RSRP1: variants seen among roughly 807,000 people sequenced by gnomAD.
RSRP1 encodes the protein arginine and serine rich protein 1, also known as arginine/serine-rich protein 1.
RSRP1 carries 37 observed loss-of-function variants against 33.0 expected under a neutral mutation model. The ratio of observed to expected loss-of-function variants is 1.12; its 90% CI spans 0.86 to 1.48. The LOEUF is 1.48. Ranked by LOEUF, RSRP1 falls within the 40% of genes most tolerant of loss-of-function variation. The pLI is 0.00. For synonymous variants in RSRP1, 167 were observed against 158.7 expected, an observed-to-expected ratio of 1.05 and a Z score of -0.40; for missense variants, 402 against 385.3, an observed-to-expected ratio of 1.04 and a Z score of -0.36.
At chr1:25,275,567 C>T (rs1640894818) in intron 1 of RSRP1, among the ~76,000 whole-genome samples, 1 of 131,546 alleles carries the variant, frequency 7.6e-6, no homozygotes, top group Admixed American at 7.4e-5. Flanking sequence ...GAGCATGTAC[C>T]ATGGTTATAT....
chr1:25,329,345 A>G, intron 1 of RSRP1: 1 of 360,252 alleles, frequency 2.8e-6, no homozygotes, highest in Non-Finnish European at 5.4e-6. Flanking sequence ...CCTGGGTTCA[A>G]GCAAATCTCC....
At position 25,269,909 on chromosome 1, in the gene RSRP1, C is replaced by T. The variant is rs143791674; in HGVS notation, c.-66-22880G>A. The stretch of plus-strand genomic sequence containing the variant: ...CCTTGGAACCAACCACCACCCACGC[C>T]GTTTGCCAGCTGGTAAACATGCCCA... On this transcript the variant is annotated intron_variant, in intron 1 of 1. Transcript: ENST00000561867. 6.1e-5 allele frequency among the ~76,000 whole-genome samples: 8 copies of T among 132,156 alleles called. 2 individuals are homozygous for T. The highest frequency in any genetic ancestry group is 2.2e-4 in the Admixed American group (3 of 13,650). The allele number at this position is 132,156 out of a possible 152,430, so 86.7% of individuals were successfully genotyped here. A position where few individuals can be genotyped will look rare whatever the true frequency, so the allele number is the denominator to read the frequency against.
At chr1:25,272,090 G>A (rs1215545727) in intron 1 of RSRP1, among the ~76,000 whole-genome samples, 2 of 124,972 alleles carry the variant, frequency 1.6e-5, no homozygotes, top group Non-Finnish European at 3.8e-5. Context: ...AGAGCTCACT[G>A]GGTGCCCTCT....
At position 25,246,904 on chromosome 1, in the gene RSRP1, C is replaced by A. The variant is rs34742144; in HGVS notation, c.60G>T (p.Ser20=). The A allele has an allele frequency of 6.2e-7, 1 of 1,603,212 alleles. No individual in the cohort carries two copies. The highest frequency in any genetic ancestry group is 2.2e-5 in the East Asian group (1 of 44,628). The part of the protein sequence containing the change: ...PGSPQEKDSP[S]TSRSGGSSRL... ...GGCTGGACCCGCCCGACCGCGAGGT[C>A]GAGGGCGAATCCTTCTCCTGCGGCG... is the stretch of plus-strand genomic sequence containing the variant. Residue 20 remains serine, a synonymous_variant, in exon 2 of 5, where the codon TCG becomes TCT. Transcript: ENST00000243189.
chr1:25,313,196 C>A (rs1219751602), intron 1 of RSRP1, among the ~76,000 whole-genome samples: 2 of 130,048 alleles, frequency 1.5e-5, no homozygotes, highest in Non-Finnish European at 3.6e-5. Context: ...GAGAACTGAG[C>A]TGACATGCTC....
chr1:25,333,544 G>T (rs1366337802), intron 1 of RSRP1, among the ~76,000 whole-genome samples: 4 of 130,400 alleles, frequency 3.1e-5, no homozygotes, highest in African/African-American at 1.1e-4. Flanking sequence ...GGGCCAGGGA[G>T]AGACGGATAA....
intron 1 of RSRP1, among the ~76,000 whole-genome samples, chr1:25,289,014 C>T (rs533034421): frequency 1.5e-5 from 2 of 134,058 alleles, no homozygotes; most frequent in East Asian, 3.9e-4. Flanking sequence ...CTGCAGCAAA[C>T]ACTGGGGAAG....
chr1:25,331,908 T>A (rs576777979), intron 1 of RSRP1, among the ~76,000 whole-genome samples: 1 of 128,524 alleles, frequency 7.8e-6, no homozygotes, highest in Admixed American at 7.6e-5. Context: ...CCCGGCTAAC[T>A]TTTTTGTATT....
intron 1 of RSRP1, among the ~76,000 whole-genome samples, chr1:25,277,577 C>T (rs28496907): frequency 0.013 from 1,726 of 130,238 alleles, 98 homozygotes; most frequent in African/African-American, 0.043. Flanking sequence ...CCTCTTTCTG[C>T]CTCTGTTTCT....
At chr1:25,256,856 G>A (rs570213052) in intron 1 of RSRP1, among the ~76,000 whole-genome samples, 1 of 152,114 alleles carries the variant, frequency 6.6e-6, no homozygotes, top group South Asian at 2.1e-4. Context: ...AGTGCATCAG[G>A]CATCTCACAA....
chr1:25,272,917 T>C (rs1308695530), intron 1 of RSRP1, among the ~76,000 whole-genome samples: 1 of 132,112 alleles, frequency 7.6e-6, no homozygotes, highest in Non-Finnish European at 1.8e-5. Flanking sequence ...TGCCTTGATT[T>C]TTCAGCACAG....
At chr1:25,275,837 G>T (rs139603478) in intron 1 of RSRP1, among the ~76,000 whole-genome samples, 3,689 of 132,092 alleles carry the variant, frequency 0.028, 608 homozygotes, top group African/African-American at 0.089. Context: ...AGATCAACAT[G>T]TTTTAAATCT....
At position 25,303,484 on chromosome 1, in the gene RSRP1, C is replaced by T. The variant is rs1429232742; in HGVS notation, c.-67+34494G>A. On this transcript the variant is annotated intron_variant, in intron 1 of 1. Transcript: ENST00000561867. ...GGTAAGAAACTAGACAACTAACCTC[C>T]TCTGCTTTGGCTGAAGGCCAGCAGG... is the stretch of plus-strand genomic sequence containing the variant. 2.9e-6 allele frequency: 4 copies of T among 1,378,576 alleles called. No individual in the cohort carries two copies. In the South Asian group the frequency reaches 3.5e-5, roughly 12 times the overall value. The allele number at this position is 1,378,576 out of a possible 1,614,324, so 85.4% of individuals were successfully genotyped here. A position where few individuals can be genotyped will look rare whatever the true frequency, so the allele number is the denominator to read the frequency against.
At position 25,312,757 on chromosome 1, in the gene RSRP1, A is replaced by G. The variant is rs1571718902; in HGVS notation, c.-67+25221T>C. Among the ~76,000 whole-genome samples, 2 of 117,222 alleles carry G rather than the reference A, an allele frequency of 1.7e-5. 1 individual carries two copies. Among genetic ancestry groups the G allele is most frequent in the South Asian group, 5.4e-4 (2 of 3,702 alleles). The allele number at this position is 117,222 out of a possible 152,430, so 76.9% of individuals were successfully genotyped here. ...AGAGTGAGACTCTGTCTCTACAAATAAAATTAAATAAACTTAGCTGGATAT... is the reference window on the plus strand; with the variant it reads ...AGAGTGAGACTCTGTCTCTACAAATGAAATTAAATAAACTTAGCTGGATAT... On this transcript the variant is annotated intron_variant, in intron 1 of 1. Coordinates refer to the RSRP1 transcript ENST00000561867.
intron 1 of RSRP1, chr1:25,284,446 T>C: frequency 1.1e-6 from 1 of 952,144 alleles, no homozygotes; most frequent in Non-Finnish European, 1.6e-6. Context: ...CAAAGTAACT[T>C]GACCAAATAC....
At position 25,242,508 on chromosome 1, in the gene RSRP1, A is replaced by G; in HGVS notation, c.*81T>C. The G allele has an allele frequency of 1.2e-6, 1 of 851,398 alleles. No individual in the cohort carries two copies. The highest frequency in any genetic ancestry group is 1.9e-6 in the Non-Finnish European group (1 of 526,820). The allele number at this position is 851,398 out of a possible 1,614,324, so 52.7% of individuals were successfully genotyped here. On this transcript the variant is annotated 3_prime_UTR_variant, in exon 5 of 5. Coordinates refer to ENST00000243189, the MANE Select transcript of RSRP1 (RefSeq NM_020317.5). ...ATGCACAAGTACCCCTGAATGGCTC[A>G]AAGGGATGGGATAATGCTAGAAACA... is the stretch of plus-strand genomic sequence containing the variant.
At chr1:25,279,302 T>C (rs1417943012) in intron 1 of RSRP1, among the ~76,000 whole-genome samples, 2 of 127,738 alleles carry the variant, frequency 1.6e-5, no homozygotes, top group Admixed American at 7.6e-5. Flanking sequence ...GCGAGCTCAA[T>C]GCTCATGGCA....
At position 25,279,839 on chromosome 1, in the gene RSRP1, C is replaced by T. The variant is rs1337211621; in HGVS notation, c.-66-32810G>A. 9.2e-5 allele frequency among the ~76,000 whole-genome samples: 12 copies of T among 130,588 alleles called. 4 individuals are homozygous for T. Among genetic ancestry groups the T allele is most frequent in the African/African-American group, 2.1e-4 (8 of 37,298 alleles). The allele number at this position is 130,588 out of a possible 152,430, so 85.7% of individuals were successfully genotyped here. A position where few individuals can be genotyped will look rare whatever the true frequency, so the allele number is the denominator to read the frequency against. On this transcript the variant is annotated intron_variant, in intron 1 of 1. Coordinates refer to the RSRP1 transcript ENST00000561867. ...CCCTCTGGGTCCAGGCATGGGCGCC[C>T]GGGTAGCACATCCACTTCTTATCAC...
At chr1:25,298,758 G>A (rs377126779) in intron 1 of RSRP1, among the ~76,000 whole-genome samples, 3 of 131,054 alleles carry the variant, frequency 2.3e-5, no homozygotes, top group Admixed American at 1.5e-4. Context: ...CTCATGGAAC[G>A]TCTGTTCCAG....
Sources: allele counts gnomAD v4.1 joint callset (sites outside exome capture counted in the v4.1 genomes callset), GRCh38; gene constraint gnomAD v4.1.1; transcripts MANE v1.5; gene names NCBI Gene and HGNC (gene_info 2026-07-23, HGNC 2026-07-21).